Variants in GRB10 observed in about 807,000 individuals in gnomAD.
GRB10 encodes the protein growth factor receptor-bound protein 10.
GRB10 carries 20 observed loss-of-function variants against 80.9 expected under a neutral mutation model. That is an observed-to-expected ratio of 0.25 (90% CI 0.17 to 0.36). The LOEUF is 0.36. GRB10 is among the 10% of genes least tolerant of loss of function. The probability of loss-of-function intolerance (pLI) is 1.00; values close to 1 mark genes in which losing one functional copy is unlikely to be tolerated. For synonymous variants in GRB10, 291 were observed against 291.5 expected (o/e 1.00, Z 0.02); for missense variants, 548 against 747.7 (o/e 0.73, Z 3.12).
intron 3 of GRB10, among the ~76,000 whole-genome samples, chr7:50,741,424 C>T (rs1027028439): frequency 5.9e-5 from 9 of 152,044 alleles, no homozygotes; most frequent in Non-Finnish European, 7.4e-5. Flanking sequence ...CTGCCTCCTC[C>T]CAGCCTGCAT....
intron 2 of GRB10, among the ~76,000 whole-genome samples, chr7:50,768,834 C>T (rs7789629): frequency 2.5e-3 from 377 of 152,340 alleles, no homozygotes; most frequent in Non-Finnish European, 3.9e-3. Flanking sequence ...CACAGGGAAC[C>T]GCCCTCCACA....
At position 50,669,872 on chromosome 7, in the gene GRB10, C is replaced by CAGGGATA; in HGVS notation, c.363-16_363-10dup. Reference sequence around the variant, plus strand: ...CTTCCTCCTGAAGGCGCCTGGAAGGCAGGGATAAGTGCCTGTTAAAAGCTG... The same window carrying CAGGGATA: ...CTTCCTCCTGAAGGCGCCTGGAAGGCAGGGATAAGGGATAAGTGCCTGTTAAAAGCTG... On this transcript the variant is annotated splice_polypyrimidine_tract_variant and intron_variant, in intron 6 of 18. Transcript: ENST00000401949. The CAGGGATA allele has an allele frequency of 6.2e-7, 1 of 1,606,944 alleles. No homozygotes were observed. The highest frequency in any genetic ancestry group is 8.5e-7 in the Non-Finnish European group (1 of 1,176,464).
chr7:50,634,245 T>C (rs1431534565), intron 7 of GRB10, among the ~76,000 whole-genome samples: 2 of 152,100 alleles, frequency 1.3e-5, no homozygotes, highest in East Asian at 1.9e-4. Context: ...TTAGCCTCCT[T>C]TAAGAAAAAA....
At chr7:50,731,979 G>A (rs1370551526) in intron 4 of GRB10, among the ~76,000 whole-genome samples, 4 of 152,222 alleles carry the variant, frequency 2.6e-5, no homozygotes. Flanking sequence ...TCCAAACACG[G>A]AAGCCCGGCT....
intron 4 of GRB10, among the ~76,000 whole-genome samples, chr7:50,715,637 G>A (rs1379227950): frequency 6.6e-6 from 1 of 152,130 alleles, no homozygotes; most frequent in East Asian, 1.9e-4. Context: ...ATAAAATCAG[G>A]TTTTTGGACC....
intron 3 of GRB10, among the ~76,000 whole-genome samples, chr7:50,754,883 G>T (rs987025355): frequency 3.3e-5 from 5 of 152,118 alleles, no homozygotes; most frequent in Non-Finnish European, 7.3e-5. Flanking sequence ...GTTAAAACCG[G>T]GTCACAAAGG....
At chr7:50,617,070 C>T (rs1484097061) in intron 10 of GRB10, among the ~76,000 whole-genome samples, 1 of 152,180 alleles carries the variant, frequency 6.6e-6, no homozygotes, top group Non-Finnish European at 1.5e-5. Context: ...GATCACTGCA[C>T]ATCTTCACAA....
At chr7:50,787,852 C>A (rs1287433768), upstream of GRB10, among the ~76,000 whole-genome samples, 5 of 152,186 alleles carry the variant, frequency 3.3e-5, no homozygotes, top group African/African-American at 9.6e-5. Flanking sequence ...AGGTAACACC[C>A]CTGCAGCCTG....
intron 5 of GRB10, among the ~76,000 whole-genome samples, chr7:50,681,005 G>C (rs2153648396): frequency 6.6e-6 from 1 of 152,252 alleles, no homozygotes; most frequent in East Asian, 1.9e-4. Context: ...ACAAAATATG[G>C]AGACTACTGA....
At chr7:50,776,534 G>A (rs1278840376) in intron 2 of GRB10, among the ~76,000 whole-genome samples, 2 of 151,954 alleles carry the variant, frequency 1.3e-5, no homozygotes, top group Non-Finnish European at 2.9e-5. Context: ...GCTTCCCTTT[G>A]GATTATAAAT....
At chr7:50,705,239 G>A (rs2064876824) in intron 4 of GRB10, 14 of 985,532 alleles carry the variant, frequency 1.4e-5, no homozygotes, top group Non-Finnish European at 1.7e-5. Context: ...CTCCAGCAGG[G>A]TCAGCTCACC....
At chr7:50,659,120 A>T (rs1222961076) in intron 7 of GRB10, among the ~76,000 whole-genome samples, 2 of 152,226 alleles carry the variant, frequency 1.3e-5, no homozygotes, top group East Asian at 3.8e-4. Context: ...AATGTTTCAG[A>T]TGCTCTAGCT....
At chr7:50,785,071 G>C (rs2078637116), upstream of GRB10, among the ~76,000 whole-genome samples, 1 of 152,174 alleles carries the variant, frequency 6.6e-6, no homozygotes, top group East Asian at 1.9e-4. Context: ...TCACATGCTA[G>C]CTGCCATATG....
At chr7:50,746,357 G>C (rs544716470) in intron 3 of GRB10, among the ~76,000 whole-genome samples, 1 of 152,136 alleles carries the variant, frequency 6.6e-6, no homozygotes, top group African/African-American at 2.4e-5. Context: ...ACCATGTACC[G>C]TGTTGCCAGC....
Position 50,708,905 on chromosome 7 carries a change from A to G in GRB10, c.52-4997T>C, listed in dbSNP as rs530215227. ...TGGCCAGGATGGTCTTGATCTCCTG[A>G]CCTCGTGATCCGTCTGCCTTGGCCT... On this transcript the variant is annotated intron_variant, in intron 4 of 18. Coordinates refer to ENST00000401949, the MANE Select transcript of GRB10 (RefSeq NM_001350814.2). Among the ~76,000 whole-genome samples the G allele has an allele frequency of 1.2e-4, 18 of 152,048 alleles. 1 individual carries two copies. In the South Asian group the frequency reaches 3.5e-3, roughly 30 times the overall value.
At chr7:50,732,063 G>A (rs949294889) in intron 4 of GRB10, among the ~76,000 whole-genome samples, 5 of 152,202 alleles carry the variant, frequency 3.3e-5, no homozygotes, top group South Asian at 2.1e-4. Flanking sequence ...ATATGACCAC[G>A]CTATCTTACA....
chr7:50,642,436 C>T (rs1178193616), intron 7 of GRB10, among the ~76,000 whole-genome samples: 1 of 152,186 alleles, frequency 6.6e-6, no homozygotes, highest in African/African-American at 2.4e-5. Context: ...CACATACACA[C>T]ATGCACATAT....
At chr7:50,766,624 G>C (rs570758936) in intron 2 of GRB10, among the ~76,000 whole-genome samples, 1 of 152,178 alleles carries the variant, frequency 6.6e-6, no homozygotes, top group African/African-American at 2.4e-5. Context: ...GTGGAGAGGC[G>C]TGCACAGTTG....
chr7:50,778,666 T>C (rs573080262), intron 2 of GRB10, among the ~76,000 whole-genome samples: 1 of 152,300 alleles, frequency 6.6e-6, no homozygotes, highest in African/African-American at 2.4e-5. Flanking sequence ...GGGCTAACGC[T>C]GACAGAAACA....
Sources: gnomAD v4.1 joint callset for allele counts (sites outside exome capture counted in the v4.1 genomes callset) on GRCh38, gnomAD v4.1.1 for gene constraint, MANE v1.5 for transcripts, NCBI Gene and HGNC (gene_info 2026-07-23, HGNC 2026-07-21) for gene names.